The following PLD5 variants were observed in gnomAD, a reference collection of about 807,000 sequenced individuals.
PLD5 encodes inactive phospholipase D5.
In PLD5, 36 loss-of-function variants were observed where a neutral mutation model predicts 61.1. That is an observed-to-expected ratio of 0.59 (90% CI 0.45 to 0.78). The LOEUF (loss-of-function observed/expected upper bound fraction) is 0.78, where lower values mean the gene tolerates loss of function less well. PLD5 is among the 30% of genes least tolerant of loss of function. PLD5 has a pLI of 0.00. For synonymous variants in PLD5, 243 were observed against 242.8 expected (o/e 1.00, Z -0.01); for missense variants, 515 against 644.4 (o/e 0.80, Z 2.17).
intron 1 of PLD5, among the ~76,000 whole-genome samples, chr1:242,486,993 T>C (rs1255158903): frequency 2.0e-5 from 3 of 151,872 alleles, no homozygotes; most frequent in African/African-American, 4.8e-5. Flanking sequence ...TTCTCACTCA[T>C]AGGTGGGAAT....
intron 4 of PLD5, among the ~76,000 whole-genome samples, chr1:242,240,073 A>G (rs759983282): frequency 3.9e-5 from 6 of 152,190 alleles, no homozygotes; most frequent in Admixed American, 2.6e-4. Context: ...TTAACTGTCA[A>G]CCTCTTCAAG....
chr1:242,419,391 T>G (rs61193084), intron 1 of PLD5, among the ~76,000 whole-genome samples: 39 of 141,424 alleles, frequency 2.8e-4, no homozygotes, highest in African/African-American at 5.7e-4. Flanking sequence ...TTTTTGTTTT[T>G]TTTTTTTTTT....
chr1:242,377,137 G>T (rs1421587757), intron 1 of PLD5: 17 of 1,611,660 alleles, frequency 1.1e-5, no homozygotes, highest in Non-Finnish European at 1.4e-5. Context: ...ACTGGCTGAG[G>T]TTCCTTTAAC....
chr1:242,369,555 A>G (rs1364574004), intron 1 of PLD5, among the ~76,000 whole-genome samples: 17 of 152,234 alleles, frequency 1.1e-4, no homozygotes. Context: ...TTATAAATAA[A>G]CAAAGATTCA....
At chr1:242,158,370 T>C (rs1240312129) in intron 5 of PLD5, among the ~76,000 whole-genome samples, 2 of 152,054 alleles carry the variant, frequency 1.3e-5, no homozygotes, top group Admixed American at 1.3e-4. Context: ...AAAAAAAGTC[T>C]CCTGCAGCTG....
chr1:242,397,178 A>G (rs12141902), intron 1 of PLD5, among the ~76,000 whole-genome samples: 1 of 152,014 alleles, frequency 6.6e-6, no homozygotes, highest in Non-Finnish European at 1.5e-5. Context: ...TTATCTCTAC[A>G]TAGACCTCGT....
chr1:242,424,934 C>G (rs564536950), intron 1 of PLD5, among the ~76,000 whole-genome samples: 13 of 152,218 alleles, frequency 8.5e-5, no homozygotes, highest in South Asian at 4.1e-4. Flanking sequence ...GAGTTCAAGA[C>G]CAGCCTGGCC....
chr1:242,088,543 A>C lies in PLD5; in HGVS notation c.*1311T>G, dbSNP rs1267654077. On this transcript the variant is annotated 3_prime_UTR_variant, in exon 10 of 10. Transcript: ENST00000536534. Reference sequence around the variant, plus strand: ...AGGTAGGTGAGTTATTACCGTCTACATTACCAAGAGAAGCCCGAGGCCAAG... The same window carrying C: ...AGGTAGGTGAGTTATTACCGTCTACCTTACCAAGAGAAGCCCGAGGCCAAG... 3 of 152,112 alleles carry C rather than the reference A, an allele frequency of 2.0e-5. No individual in the cohort carries two copies. The highest frequency in any genetic ancestry group is 4.4e-5 in the Non-Finnish European group (3 of 68,034). 9.4% of individuals were successfully genotyped at this position (152,112 alleles called of 1,614,324 possible).
intron 6 of PLD5, among the ~76,000 whole-genome samples, chr1:242,121,181 A>T (rs555743122): frequency 6.6e-6 from 1 of 152,332 alleles, no homozygotes; most frequent in African/African-American, 2.4e-5. Context: ...TAATATTACT[A>T]CTAATAAAAC....
chr1:242,278,147 G>A (rs960376470), intron 3 of PLD5, among the ~76,000 whole-genome samples: 4 of 151,678 alleles, frequency 2.6e-5, no homozygotes, highest in Admixed American at 6.6e-5. Context: ...ATTTTTGATC[G>A]TGAGAGGTTC....
intron 5 of PLD5, among the ~76,000 whole-genome samples, chr1:242,129,978 C>CT (rs542987956): frequency 1.1e-3 from 166 of 151,862 alleles, no homozygotes; most frequent in African/African-American, 3.9e-3. Flanking sequence ...TGATTTCATT[C>CT]TTTTTTGTGG....
At chr1:242,486,312 C>T (rs944388069) in intron 1 of PLD5, among the ~76,000 whole-genome samples, 2 of 152,162 alleles carry the variant, frequency 1.3e-5, no homozygotes, top group African/African-American at 4.8e-5. Flanking sequence ...TTGCAATCTA[C>T]TCATCTGACA....
chr1:242,290,313 A>G (rs1372438171), intron 2 of PLD5, among the ~76,000 whole-genome samples: 2 of 145,334 alleles, frequency 1.4e-5, no homozygotes, highest in African/African-American at 2.5e-5. Context: ...TCAAAGATGA[A>G]AATTTTTTAT....
At position 242,088,886 on chromosome 1, in the gene PLD5, A is replaced by C. The variant is rs1343502133; in HGVS notation, c.*968T>G. ...TAGAAACGTTTGCTGGCATACTCTT[A>C]ACAGCATAATGATTCTAAAGAAATT... On this transcript the variant is annotated 3_prime_UTR_variant, in exon 10 of 10. Coordinates refer to ENST00000536534, the MANE Select transcript of PLD5 (RefSeq NM_001372062.1). 1 of 155,742 alleles carries C rather than the reference A, an allele frequency of 6.4e-6. No individual in the cohort carries two copies. Among genetic ancestry groups the C allele is most frequent in the African/African-American group, 2.4e-5 (1 of 41,662 alleles). The allele number at this position is 155,742 out of a possible 1,614,324, so 9.6% of individuals were successfully genotyped here.
At chr1:242,238,304 G>A (rs373052534) in intron 4 of PLD5, among the ~76,000 whole-genome samples, 61 of 152,236 alleles carry the variant, frequency 4.0e-4, no homozygotes, top group Middle Eastern at 3.4e-3. Context: ...TTAGGGTTTC[G>A]GGATCTGTGG....
chr1:242,364,741 A>AAGAAG (rs4039077), intron 1 of PLD5, among the ~76,000 whole-genome samples: 20 of 152,284 alleles, frequency 1.3e-4, no homozygotes, highest in Middle Eastern at 3.4e-3. Context: ...GGAAAAAGAA[A>AAGAAG]AGAAGAGAAG....
intron 5 of PLD5, among the ~76,000 whole-genome samples, chr1:242,140,130 G>A (rs77136952): frequency 0.027 from 4,098 of 152,222 alleles, 83 homozygotes; most frequent in Non-Finnish European, 0.042. Context: ...ACCACCATGA[G>A]GACCAATGTT....
intron 1 of PLD5, among the ~76,000 whole-genome samples, chr1:242,396,215 A>G (rs1308704007): frequency 2.6e-5 from 4 of 152,158 alleles, no homozygotes; most frequent in Non-Finnish European, 5.9e-5. Flanking sequence ...TTTGAGCCCA[A>G]TAATCTTTGT....
intron 1 of PLD5, among the ~76,000 whole-genome samples, chr1:242,481,331 C>T (rs1043065028): frequency 3.7e-4 from 57 of 152,140 alleles, no homozygotes; most frequent in African/African-American, 1.0e-3. Flanking sequence ...GGTGACAGAC[C>T]GCACCTGGAA....
Sources: gnomAD v4.1 joint callset for allele counts (sites outside exome capture counted in the v4.1 genomes callset) on GRCh38, gnomAD v4.1.1 for gene constraint, MANE v1.5 for transcripts, NCBI Gene and HGNC (gene_info 2026-07-23, HGNC 2026-07-21) for gene names.